The following ATP12A variants were observed in gnomAD, a reference collection of about 807,000 sequenced individuals.
ATP12A encodes the protein potassium-transporting ATPase alpha chain 2.
In ATP12A, 81 loss-of-function variants were observed where a neutral mutation model predicts 111.2. The ratio of observed to expected loss-of-function variants is 0.73; its 90% confidence interval spans 0.61 to 0.88. The LOEUF (loss-of-function observed/expected upper bound fraction) is 0.88. ATP12A is among the 40% of genes least tolerant of loss of function. The probability of loss-of-function intolerance (pLI) is 0.00; values close to 1 mark genes in which losing one functional copy is unlikely to be tolerated. For missense variants in ATP12A, 1,196 were observed against 1,313.1 expected, an observed-to-expected ratio of 0.91 and a Z score of 1.38; for synonymous variants, 498 against 499.8, an observed-to-expected ratio of 1.00 and a Z score of 0.05.
chr13:24,683,855 T>C (rs1473394459), intron 2 of ATP12A, among the ~76,000 whole-genome samples: 1 of 152,216 alleles, frequency 6.6e-6, no homozygotes, highest in African/African-American at 2.4e-5. Context: ...GTTTTTCCCT[T>C]GACATTACAA....
At chr13:24,702,686 G>A (rs547561736) in intron 14 of ATP12A, among the ~76,000 whole-genome samples, 12 of 152,192 alleles carry the variant, frequency 7.9e-5, no homozygotes, top group South Asian at 4.2e-4. Context: ...TATTTACTGC[G>A]TGCCAACTAT....
intron 7 of ATP12A, 33 bp from the exon 8 acceptor site, chr13:24,690,949 A>G (rs1340848343): frequency 6.2e-7 from 1 of 1,610,540 alleles, no homozygotes. Flanking sequence ...CTGGCTGAGG[A>G]CCCCTGGAAT....
At chr13:24,698,445 A>T (rs151206434) in intron 11 of ATP12A, among the ~76,000 whole-genome samples, 1 of 152,216 alleles carries the variant, frequency 6.6e-6, no homozygotes, top group East Asian at 1.9e-4. Flanking sequence ...TTTTGCTTGA[A>T]AGATGAGCTC....
chr13:24,683,631 G>A (rs991562616), intron 2 of ATP12A, among the ~76,000 whole-genome samples: 3 of 152,120 alleles, frequency 2.0e-5, no homozygotes, highest in South Asian at 2.1e-4. Context: ...ATTTAAGAAC[G>A]CTTCCCTGAA....
intron 10 of ATP12A, among the ~76,000 whole-genome samples, 155 bp from the exon 11 acceptor site, chr13:24,694,289 C>T (rs148915238): frequency 6.6e-5 from 10 of 152,302 alleles, no homozygotes; most frequent in South Asian, 2.1e-4. Context: ...GTTGTTTACA[C>T]GCTTACCACG....
At chr13:24,681,070 T>C (rs1393455529) in intron 1 of ATP12A, among the ~76,000 whole-genome samples, 2 of 152,264 alleles carry the variant, frequency 1.3e-5, no homozygotes, top group South Asian at 2.1e-4. Context: ...CATGGATTCG[T>C]TGCGGTCTGA....
At chr13:24,703,747 CCT>C (rs1254998423) in intron 14 of ATP12A, 13 of 151,578 alleles carry the variant, frequency 8.6e-5, no homozygotes, top group African/African-American at 3.2e-4. Context: ...CTCACTGCAG[CCT>C]CGACCTCCTG....
At position 24,685,404 on chromosome 13, in the gene ATP12A, G is replaced by A; in HGVS notation, c.228+31G>A. 1 of 1,604,590 alleles carries A rather than the reference G, an allele frequency of 6.2e-7. No individual in the cohort carries two copies. The highest frequency in any genetic ancestry group is 1.7e-5 in the Admixed American group (1 of 60,020). On this transcript the variant is annotated intron_variant, in intron 3 of 22. Coordinates refer to ENST00000381946, the MANE Select transcript of ATP12A (RefSeq NM_001676.7). This position sits in a 1 kb window ranked among gnomAD's most constrained non-coding sequence, Gnocchi z 5.5. ...TCGTGGGAACCAGGGATTTGGAAGAGAAGCCTCCCAACTCTACAGAGGGAA... is the reference window on the plus strand; with the variant it reads ...TCGTGGGAACCAGGGATTTGGAAGAAAAGCCTCCCAACTCTACAGAGGGAA...
In ATP12A at chr13:24,700,772, A is replaced by G. The variant is rs1320614115; in HGVS notation, c.1731A>G (p.Ala577=). 12 of 1,614,066 alleles carry G rather than the reference A, an allele frequency of 7.4e-6. No individual in the cohort carries two copies. The highest frequency in any genetic ancestry group is 3.3e-5 in the Admixed American group (2 of 60,024). Residue 577 remains alanine (A), a synonymous_variant, in exon 13 of 23, where the codon GCA becomes GCG. Coordinates refer to ENST00000381946, the MANE Select transcript of ATP12A (RefSeq NM_001676.7). ...GTTTCTGTCATCTCTACCTGCCAGCAGACGAGTTTCCAGAAACCTACTCAT... is the reference window on the plus strand; with the variant it reads ...GTTTCTGTCATCTCTACCTGCCAGCGGACGAGTTTCCAGAAACCTACTCAT... ...VLGFCHLYLP[A]DEFPETYSFD...
chr13:24,684,074 C>T (rs1874579975), intron 2 of ATP12A, among the ~76,000 whole-genome samples: 1 of 150,844 alleles, frequency 6.6e-6, no homozygotes, highest in Non-Finnish European at 1.5e-5. Flanking sequence ...CGTCCCACCC[C>T]TCCCCCATGC....
rs1874840560 is a variant in ATP12A, at chr13:24,690,492, C to T, written c.681+20C>T. On this transcript the variant is annotated intron_variant, in intron 6 of 22. Transcript: ENST00000381946. The stretch of plus-strand genomic sequence containing the variant: ...TGTCGGGTAAGCGGCAAGGGGTATC[C>T]ACCCCAAGGACCATGTTCCAAACCT... The T allele has an allele frequency of 6.2e-7, 1 of 1,613,162 alleles. No homozygotes were observed. The highest frequency in any genetic ancestry group is 8.5e-7 in the Non-Finnish European group (1 of 1,179,596).
At position 24,707,356 on chromosome 13, in the gene ATP12A, C is replaced by G. The variant is rs199813337; in HGVS notation, c.2416C>G (p.Leu806Val). 2 of 1,614,252 alleles carry G rather than the reference C, an allele frequency of 1.2e-6. No individual in the cohort carries two copies. Among genetic ancestry groups the G allele is most frequent in the Admixed American group, 1.7e-5 (1 of 60,032 alleles). Reference protein sequence around the residue: ...TKNIAELCPFLIYIIVGLPLP... With the variant: ...TKNIAELCPFVIYIIVGLPLP... ...GAACATTGCCGAGCTGTGCCCCTTT[C>G]TGATCTACATCATTGTCGGGCTCCC... Residue 806 changes from leucine to valine, a missense_variant, in exon 17 of 23, where the codon CTG becomes GTG. Coordinates refer to ENST00000381946, the MANE Select transcript of ATP12A (RefSeq NM_001676.7).
intron 11 of ATP12A, among the ~76,000 whole-genome samples, chr13:24,694,951 G>T (rs1875074199): frequency 6.6e-6 from 1 of 152,080 alleles, no homozygotes; most frequent in South Asian, 2.1e-4. Flanking sequence ...AAGCATAAAT[G>T]CCAGGTGGGC....
intron 19 of ATP12A, among the ~76,000 whole-genome samples, chr13:24,710,081 C>T (rs1422066989): frequency 1.3e-5 from 2 of 152,140 alleles, no homozygotes; most frequent in Non-Finnish European, 1.5e-5. Flanking sequence ...GTGACCAGCC[C>T]AGCCACACCC....
chr13:24,710,676 T>C (rs1875927570), intron 20 of ATP12A, 83 bp downstream of exon 20: 1 of 1,607,246 alleles, frequency 6.2e-7, no homozygotes, highest in African/African-American at 1.3e-5. Context: ...CAAGACAGAG[T>C]TCTGGCCACA....
intron 11 of ATP12A, among the ~76,000 whole-genome samples, chr13:24,695,055 G>A (rs9553425): frequency 0.25 from 37,406 of 152,184 alleles, 4,973 homozygotes; most frequent in East Asian, 0.47. Context: ...GGCCTGTGAG[G>A]TAGGACTGAC....
rs181482698 is a variant in ATP12A at position 24,710,363 on chromosome 13, G to T, written c.2764-97G>T. On this transcript the variant is annotated intron_variant, in intron 19 of 22. Transcript: ENST00000381946. ...GTGGTCCATTCTCAGTCCGGGTGAG[G>T]TGTGGAAAGAACATGAAGCTTTAGA... The T allele has an allele frequency of 5.1e-5, 75 of 1,460,354 alleles. No individual in the cohort carries two copies. The African/African-American group carries it at 1.0e-3, about 20-fold the overall frequency. 90.5% of individuals were successfully genotyped at this position (1,460,354 alleles called of 1,614,324 possible).
intron 5 of ATP12A, 109 bp from the exon 6 acceptor site, chr13:24,690,229 G>A: frequency 2.0e-6 from 3 of 1,508,282 alleles, no homozygotes; most frequent in Non-Finnish European, 2.7e-6. Context: ...CAGTGAGAGT[G>A]ATCAGGAAGT....
At chr13:24,680,856 C>T in intron 1 of ATP12A, 104 bp downstream of exon 1, 1 of 1,383,478 alleles carries the variant, frequency 7.2e-7, no homozygotes, top group Non-Finnish European at 9.3e-7. Context: ...AGAGGAGAAA[C>T]GCCCCGTCCC....
Sources: allele counts gnomAD v4.1 joint callset (sites outside exome capture counted in the v4.1 genomes callset), GRCh38; gene constraint gnomAD v4.1.1; non-coding constraint Gnocchi (gnomAD v3.1); transcripts MANE v1.5; gene names NCBI Gene and HGNC (gene_info 2026-07-23, HGNC 2026-07-21).